ZNF420: variants seen among roughly 807,000 people sequenced by gnomAD.
ZNF420 encodes the protein ATM and p53-associated KZNF protein.
A neutral mutation model predicts 44.7 loss-of-function variants in ZNF420; 31 were observed. The ratio of observed to expected loss-of-function variants is 0.69; its 90% CI spans 0.52 to 0.94. The LOEUF is 0.94. Among genes scored for constraint, ZNF420 ranks in the 40% least tolerant of loss-of-function variants. The pLI is 0.00. For synonymous variants in ZNF420, 245 were observed against 267.4 expected (o/e 0.92, Z 0.82); for missense variants, 681 against 827.9 (o/e 0.82, Z 2.18).
chr19:37,042,714 G>C lies in ZNF420; in HGVS notation c.-125+34632G>C, dbSNP rs1310382926. The stretch of plus-strand genomic sequence containing the variant: ...TTTTATTATGCATGTTTTTGCTGGA[G>C]TAGCACTTTTAATTTCCTTTGAGAA... On this transcript the variant is annotated intron_variant, in intron 1 of 4. Coordinates refer to the ZNF420 transcript ENST00000587029. Among the ~76,000 whole-genome samples the C allele has an allele frequency of 4.6e-5, 7 of 152,204 alleles. No individual in the cohort carries two copies. In the South Asian group the frequency reaches 6.2e-4, roughly 14 times the overall value.
intron 4 of ZNF420, among the ~76,000 whole-genome samples, chr19:37,120,208 A>G (rs1294793386): frequency 1.3e-5 from 2 of 152,238 alleles, no homozygotes; most frequent in South Asian, 2.1e-4. Context: ...ATGAACATTG[A>G]TGCAAAAATC....
At chr19:37,025,253 C>CAAGAG in intron 1 of ZNF420, 1 of 297,004 alleles carries the variant, frequency 3.4e-6, no homozygotes, top group Non-Finnish European at 6.4e-6. Flanking sequence ...GTTCATTGAA[C>CAAGAG]ATGTATATGA....
chr19:37,085,936 T>TTTTTTTTTA (rs113953981), intron 2 of ZNF420, among the ~76,000 whole-genome samples: 3 of 137,754 alleles, frequency 2.2e-5, no homozygotes, highest in African/African-American at 5.4e-5. Context: ...TGGCTGATGT[T>TTTTTTTTTA]TTATTATTAT....
Position 37,129,042 on chromosome 19 carries a change from C to T in ZNF420, c.2051C>T (p.Ser684Leu), listed in dbSNP as rs1599736653. ...KECGIDFSHG[S>L]QVYM ...TGTGGGATTGACTTTAGTCATGGCT[C>T]ACAAGTTTACATGTGAATTGTCTGA... Residue 684 changes from serine to leucine, a missense_variant, in exon 5 of 5, where the codon TCA becomes TTA. Ser to Leu is a moderately radical substitution (Grantham distance 145). Around this residue, in one of 3 missense-constraint regions of ZNF420, gnomAD observed 280 missense variants for 338.6 expected, o/e 0.83. Transcript: ENST00000337995. 6.2e-7 allele frequency: 1 copy of T among 1,610,644 alleles called. No homozygotes were observed. Among genetic ancestry groups the T allele is most frequent in the Non-Finnish European group, 8.5e-7 (1 of 1,177,342 alleles).
intron 1 of ZNF420, chr19:37,008,101 C>T (rs2074542123): frequency 3.6e-6 from 1 of 275,052 alleles, no homozygotes; most frequent in Non-Finnish European, 7.0e-6. Context: ...CCCCAAAAGT[C>T]GTGCCCCTGT....
intron 1 of ZNF420, among the ~76,000 whole-genome samples, chr19:37,059,381 G>A (rs992191403): frequency 2.0e-5 from 3 of 152,250 alleles, no homozygotes; most frequent in Non-Finnish European, 4.4e-5. Flanking sequence ...GCATGCGCGA[G>A]GCGCGAGCGG....
intron 1 of ZNF420, among the ~76,000 whole-genome samples, chr19:37,059,417 G>A (rs1967827060): frequency 6.6e-6 from 1 of 152,250 alleles, no homozygotes; most frequent in Admixed American, 6.5e-5. Flanking sequence ...TTAGAAACCA[G>A]TCCCTGAGGC....
intron 1 of ZNF420, among the ~76,000 whole-genome samples, chr19:37,067,824 GT>G (rs1273311312): frequency 6.6e-6 from 1 of 152,058 alleles, no homozygotes; most frequent in African/African-American, 2.4e-5. Context: ...ATATGTGTGT[GT>G]ACATTATTTT....
chr19:37,124,615 T>C (rs1971241793), intron 4 of ZNF420, among the ~76,000 whole-genome samples: 1 of 152,204 alleles, frequency 6.6e-6, no homozygotes, highest in South Asian at 2.1e-4. Context: ...CTAACTGAAA[T>C]ATTCTTTATC....
intron 1 of ZNF420, among the ~76,000 whole-genome samples, chr19:37,035,082 T>C (rs1203820879): frequency 1.3e-5 from 2 of 152,188 alleles, no homozygotes; most frequent in African/African-American, 2.4e-5. Flanking sequence ...GGTTCCTACA[T>C]AGACAAAATG....
At chr19:37,123,599 C>A (rs372864513) in intron 4 of ZNF420, among the ~76,000 whole-genome samples, 1 of 80,326 alleles carries the variant, frequency 1.2e-5, no homozygotes, top group Non-Finnish European at 2.2e-5. Context: ...TTACTCTTGT[C>A]TTTTTTTTTT....
At chr19:37,013,303 C>T (rs755587502) in intron 1 of ZNF420, among the ~76,000 whole-genome samples, 2 of 152,166 alleles carry the variant, frequency 1.3e-5, no homozygotes, top group African/African-American at 2.4e-5. Context: ...AGGAGCCAGG[C>T]GCCTGTCGGC....
At chr19:37,113,102 C>CG (rs1970470296) in intron 4 of ZNF420, among the ~76,000 whole-genome samples, 1 of 152,164 alleles carries the variant, frequency 6.6e-6, no homozygotes, top group African/African-American at 2.4e-5. Context: ...CAGTTTGTTG[C>CG]GGGGCCTGAG....
At chr19:37,077,320 C>T (rs1202271286), upstream of ZNF420, among the ~76,000 whole-genome samples, 2 of 152,130 alleles carry the variant, frequency 1.3e-5, no homozygotes, top group Non-Finnish European at 2.9e-5. Flanking sequence ...TTATGTATAA[C>T]GTTGTTTTAT....
chr19:37,012,908 A>G (rs568792425), intron 1 of ZNF420, among the ~76,000 whole-genome samples: 2 of 151,006 alleles, frequency 1.3e-5, no homozygotes, highest in Admixed American at 6.6e-5. Context: ...TTGGGACGAA[A>G]ATGTCTTGTG....
At chr19:37,127,012 A>G (rs748563261) in intron 4 of ZNF420, 116 bp from the exon 5 acceptor site, 1 of 831,328 alleles carries the variant, frequency 1.2e-6, no homozygotes, top group East Asian at 2.9e-5. Context: ...ATAATAATCA[A>G]TATTTGAAAC....
At chr19:37,093,959 G>A (rs1180628804) in intron 4 of ZNF420, among the ~76,000 whole-genome samples, 1 of 152,166 alleles carries the variant, frequency 6.6e-6, no homozygotes, top group Non-Finnish European at 1.5e-5. Context: ...TATACTAAAA[G>A]CCACTGAATT....
intron 1 of ZNF420, among the ~76,000 whole-genome samples, chr19:37,029,523 TTTTC>T (rs1967214780): frequency 6.6e-6 from 1 of 151,958 alleles, no homozygotes. Context: ...CTTTAATTTT[TTTTC>T]TTTTTCTTTT....
chr19:37,083,834 C>T (rs1968609878), intron 2 of ZNF420, among the ~76,000 whole-genome samples: 1 of 152,098 alleles, frequency 6.6e-6, no homozygotes, highest in African/African-American at 2.4e-5. Context: ...AGTAGGAACT[C>T]TCATTGCTCC....
Sources: allele counts gnomAD v4.1 joint callset (sites outside exome capture counted in the v4.1 genomes callset), GRCh38; gene constraint gnomAD v4.1.1; regional missense constraint gnomAD v4.1.1; transcripts MANE v1.5; gene names NCBI Gene and HGNC (gene_info 2026-07-23, HGNC 2026-07-21).